RSRC1: variants seen among roughly 807,000 people sequenced by gnomAD.
RSRC1 encodes the protein serine/Arginine-related protein 53.
A neutral mutation model predicts 49.1 loss-of-function variants in RSRC1; 39 were observed. The observed-to-expected ratio is 0.79, with a 90% CI of 0.61 to 1.04. The LOEUF is 1.04. Among genes scored for constraint, RSRC1 ranks in the 50% least tolerant of loss-of-function variants. The probability of loss-of-function intolerance (pLI) is 0.00; values close to 1 mark genes in which losing one functional copy is unlikely to be tolerated. For missense variants in RSRC1, 388 were observed against 402.4 expected (o/e 0.96, Z 0.31); for synonymous variants, 143 against 130.8 (o/e 1.09, Z -0.63).
intron 6 of RSRC1, among the ~76,000 whole-genome samples, chr3:158,434,903 C>T (rs1171023502): frequency 6.6e-6 from 1 of 151,736 alleles, no homozygotes; most frequent in Non-Finnish European, 1.5e-5. Context: ...CAAGATTTTA[C>T]CAAATGAAAG....
chr3:158,265,605 T>C (rs1725126677), intron 4 of RSRC1, among the ~76,000 whole-genome samples: 1 of 151,142 alleles, frequency 6.6e-6, no homozygotes. Flanking sequence ...CTCTCTAGCC[T>C]GGGTGACAAC....
intron 7 of RSRC1, among the ~76,000 whole-genome samples, chr3:158,511,423 T>A (rs1740171616): frequency 6.6e-6 from 1 of 152,208 alleles, no homozygotes; most frequent in Admixed American, 6.5e-5. Context: ...ATTTCCAATT[T>A]CATCCATGTC....
At chr3:158,151,848 A>G (rs1457038078) in intron 3 of RSRC1, among the ~76,000 whole-genome samples, 3 of 152,192 alleles carry the variant, frequency 2.0e-5, no homozygotes, top group Non-Finnish European at 4.4e-5. Flanking sequence ...TGTTAATTAA[A>G]ATATACTAGG....
At position 158,521,975 on chromosome 3, in the gene RSRC1, G is replaced by T. The variant is rs894523984; in HGVS notation, c.653-15117G>T. ...GCTTTATTGATATGATAATGTATTA[G>T]AATTACATTAAAATATAGAAACTTT... On this transcript the variant is annotated intron_variant, in intron 7 of 9. Coordinates refer to ENST00000611884, the MANE Select transcript of RSRC1 (RefSeq NM_001271838.2). 2.0e-5 allele frequency among the ~76,000 whole-genome samples: 3 copies of T among 152,144 alleles called. No homozygotes were observed. In the South Asian group the frequency reaches 6.2e-4, roughly 32 times the overall value.
At chr3:158,311,884 A>G (rs904399326) in intron 5 of RSRC1, among the ~76,000 whole-genome samples, 2 of 152,110 alleles carry the variant, frequency 1.3e-5, no homozygotes, top group Non-Finnish European at 2.9e-5. Flanking sequence ...AAATAAAAAT[A>G]TGAGAGTGGG....
At chr3:158,117,076 A>G (rs1178238458) in intron 1 of RSRC1, among the ~76,000 whole-genome samples, 2 of 151,976 alleles carry the variant, frequency 1.3e-5, no homozygotes, top group African/African-American at 4.8e-5. Context: ...CTGGATAGAG[A>G]TTCTAGGTTG....
rs1405710796 is a variant in RSRC1 at position 158,545,415 on chromosome 3, A to T, written c.*1140A>T. On this transcript the variant is annotated 3_prime_UTR_variant, in exon 10 of 10. Coordinates refer to ENST00000611884, the MANE Select transcript of RSRC1 (RefSeq NM_001271838.2). ...ATGGGGTTTCACCATTTTAGCCAGG[A>T]TGGTCTATTTTCTTCTGTTGTCCAG... 3 of 151,600 alleles carry T rather than the reference A, an allele frequency of 2.0e-5. No individual in the cohort carries two copies. Among genetic ancestry groups the T allele is most frequent in the African/African-American group, 7.3e-5 (3 of 41,290 alleles). The allele number at this position is 151,600 out of a possible 1,614,324, so 9.4% of individuals were successfully genotyped here.
At chr3:158,240,102 T>A (rs569837085) in intron 4 of RSRC1, among the ~76,000 whole-genome samples, 27 of 152,302 alleles carry the variant, frequency 1.8e-4, no homozygotes, top group South Asian at 1.5e-3. Flanking sequence ...TTTTAAAATA[T>A]CTTTATAAAA....
chr3:158,347,520 T>C (rs1730619665), intron 5 of RSRC1, among the ~76,000 whole-genome samples: 1 of 152,178 alleles, frequency 6.6e-6, no homozygotes, highest in Admixed American at 6.5e-5. Context: ...TATCAAAAAA[T>C]CTGAATCTAA....
At chr3:158,453,229 T>TAGTC (rs2108393163) in intron 6 of RSRC1, among the ~76,000 whole-genome samples, 3 of 151,490 alleles carry the variant, frequency 2.0e-5, no homozygotes, top group African/African-American at 7.3e-5. Context: ...TTTCAAACTC[T>TAGTC]TGTGCACACA....
chr3:158,226,600 A>G (rs143084230), intron 4 of RSRC1, among the ~76,000 whole-genome samples: 161 of 151,858 alleles, frequency 1.1e-3, no homozygotes, highest in African/African-American at 3.6e-3. Context: ...ATATAATGTT[A>G]TTTGCACTTT....
intron 5 of RSRC1, among the ~76,000 whole-genome samples, chr3:158,325,296 A>C (rs1402545538): frequency 6.6e-5 from 10 of 152,254 alleles, no homozygotes; most frequent in Middle Eastern, 3.4e-3. Context: ...GACATGAAGT[A>C]CTTGCCCATG....
chr3:158,506,295 A>G (rs1156626481), intron 7 of RSRC1, among the ~76,000 whole-genome samples: 1 of 152,182 alleles, frequency 6.6e-6, no homozygotes, highest in Non-Finnish European at 1.5e-5. Flanking sequence ...AAATCAGCTA[A>G]AAGGCCAGGC....
chr3:158,368,910 A>T (rs1365195314), intron 6 of RSRC1, among the ~76,000 whole-genome samples: 2 of 152,124 alleles, frequency 1.3e-5, no homozygotes, highest in Non-Finnish European at 2.9e-5. Context: ...AAATTTACCG[A>T]AAAGTGATTA....
At chr3:158,254,892 T>C (rs1459802837) in intron 4 of RSRC1, among the ~76,000 whole-genome samples, 1 of 152,222 alleles carries the variant, frequency 6.6e-6, no homozygotes, top group Non-Finnish European at 1.5e-5. Context: ...ATTCATATCC[T>C]CTACCCACTT....
intron 3 of RSRC1, among the ~76,000 whole-genome samples, chr3:158,146,793 G>T (rs1717155630): frequency 6.6e-6 from 1 of 152,070 alleles, no homozygotes; most frequent in South Asian, 2.1e-4. Flanking sequence ...ATTAATTATT[G>T]CCTCAATTTC....
intron 7 of RSRC1, 71 bp from the exon 8 acceptor site, chr3:158,537,021 A>C (rs1251500464): frequency 2.3e-6 from 2 of 884,236 alleles, no homozygotes; most frequent in Admixed American, 4.3e-5. Flanking sequence ...TCATAGAAAG[A>C]ACATTGCTTA....
chr3:158,380,948 T>A (rs1486874001), intron 6 of RSRC1, among the ~76,000 whole-genome samples: 71 of 152,224 alleles, frequency 4.7e-4, no homozygotes, highest in Non-Finnish European at 1.9e-4. Context: ...CAAGGATTTT[T>A]TTTTACATAA....
intron 7 of RSRC1, among the ~76,000 whole-genome samples, chr3:158,531,134 A>G (rs1282518831): frequency 6.6e-6 from 1 of 150,902 alleles, no homozygotes; most frequent in Non-Finnish European, 1.5e-5. Flanking sequence ...AGGTGACACA[A>G]AGAGGTATGT....
Sources: allele counts gnomAD v4.1 joint callset (sites outside exome capture counted in the v4.1 genomes callset), GRCh38; gene constraint gnomAD v4.1.1; transcripts MANE v1.5; gene names NCBI Gene and HGNC (gene_info 2026-07-23, HGNC 2026-07-21).